The following RGS22 variants were observed in gnomAD, a reference collection of about 807,000 sequenced individuals.
RGS22 encodes regulator of G-protein signaling 22.
Under a neutral mutation model 172.9 loss-of-function variants are expected in RGS22, and 148 were observed. The ratio of observed to expected loss-of-function variants is 0.86; its 90% CI spans 0.75 to 0.98. The LOEUF is 0.98. Ranked by LOEUF, RGS22 falls within the 50% of genes least tolerant of loss-of-function variation. The pLI, the probability that RGS22 is intolerant of heterozygous loss-of-function variation, is 0.00. For missense variants in RGS22, 1,347 were observed against 1,440.8 expected (o/e 0.93, Z 1.05); for synonymous variants, 458 against 480.2 (o/e 0.95, Z 0.60).
intron 14 of RGS22, among the ~76,000 whole-genome samples, chr8:100,010,283 C>T (rs777627652): frequency 6.6e-5 from 10 of 151,982 alleles, no homozygotes; most frequent in Non-Finnish European, 1.3e-4. Context: ...GTCAAGAGAT[C>T]GAGACCATCC....
At chr8:99,987,710 C>T in intron 20 of RGS22, 91 bp from the exon 21 acceptor site, 1 of 843,688 alleles carries the variant, frequency 1.2e-6, no homozygotes, top group Non-Finnish European at 1.7e-6. Context: ...TGTTGAAATG[C>T]CTGGCATGGC....
In RGS22 at chr8:99,977,270, A is replaced by ATT. The variant is rs895569407; in HGVS notation, c.3519+645_3519+646dup. On this transcript the variant is annotated intron_variant, in intron 23 of 27. Transcript: ENST00000360863. Reference sequence around the variant, plus strand: ...AGGCGCAAGCTGCCACGCCCGGTTAATTTTTTTTTTTTTTTTTTTTTTTTT... The same window carrying ATT: ...AGGCGCAAGCTGCCACGCCCGGTTAATTTTTTTTTTTTTTTTTTTTTTTTTTT... Among the ~76,000 whole-genome samples the ATT allele has an allele frequency of 5.7e-3, 687 of 120,370 alleles. 8 individuals are homozygous for ATT. The highest frequency in any genetic ancestry group is 0.013 in the African/African-American group (423 of 31,600). The allele number at this position is 120,370 out of a possible 152,430, so 79.0% of individuals were successfully genotyped here.
intron 18 of RGS22, among the ~76,000 whole-genome samples, chr8:100,001,202 T>TATATATATATATATATATACA (rs1554611096): frequency 4.8e-4 from 60 of 124,776 alleles, no homozygotes; most frequent in African/African-American, 1.8e-3. Flanking sequence ...TCCCAATTTT[T>TATATATATATATATATATACA]TATATATATA....
chr8:99,987,149 T>C (rs1813183979), intron 21 of RGS22, among the ~76,000 whole-genome samples: 2 of 152,170 alleles, frequency 1.3e-5, no homozygotes, highest in South Asian at 4.1e-4. Context: ...CAAGGAGCAT[T>C]TACTTTAAGT....
chr8:100,025,021 T>C (rs931881795), intron 14 of RGS22, among the ~76,000 whole-genome samples: 1 of 151,434 alleles, frequency 6.6e-6, no homozygotes, highest in Non-Finnish European at 1.5e-5. Context: ...AATAAATAAA[T>C]AAATAAATAA....
At chr8:100,011,467 G>A (rs905382602) in intron 14 of RGS22, among the ~76,000 whole-genome samples, 5 of 152,124 alleles carry the variant, frequency 3.3e-5, no homozygotes, top group African/African-American at 1.2e-4. Context: ...AAATCCTTTT[G>A]TGCAGCAGTC....
intron 15 of RGS22, 52 bp from the exon 16 acceptor site, chr8:100,006,161 G>T: frequency 7.0e-7 from 1 of 1,419,532 alleles, no homozygotes; most frequent in Non-Finnish European, 9.8e-7. Context: ...CAATTTGCTA[G>T]TAACAGTGGG....
In RGS22 at chr8:99,982,040, G is replaced by T; in HGVS notation, c.3257C>A (p.Ser1086Tyr). ...ITTIINCFIN[S>Y]SIPPALQIDI... Reference sequence around the variant, plus strand: ...AATTTGTAAAGCTGGTGGAATACTGGAATTAATAAAGCAGTTGATAATAGT... The same window carrying T: ...AATTTGTAAAGCTGGTGGAATACTGTAATTAATAAAGCAGTTGATAATAGT... Residue 1086 changes from serine (S) to tyrosine (Y), a missense_variant, in exon 22 of 28, where the codon TCC becomes TAC. Transcript: ENST00000360863. 3.1e-6 allele frequency: 5 copies of T among 1,613,708 alleles called. No homozygotes were observed. Among genetic ancestry groups the T allele is most frequent in the Non-Finnish European group, 3.4e-6 (4 of 1,179,732 alleles).
intron 12 of RGS22, among the ~76,000 whole-genome samples, chr8:100,041,113 T>C (rs1309209062): frequency 6.6e-6 from 1 of 152,204 alleles, no homozygotes. Context: ...CCTTAGGGAA[T>C]ATGAAGTTTT....
chr8:100,013,994 A>G (rs1286932963), intron 14 of RGS22, among the ~76,000 whole-genome samples: 1 of 152,186 alleles, frequency 6.6e-6, no homozygotes, highest in Non-Finnish European at 1.5e-5. Context: ...ATTTCTAATC[A>G]ATGCCATTTC....
chr8:100,014,129 C>T (rs1055525775), intron 14 of RGS22, among the ~76,000 whole-genome samples: 2 of 152,196 alleles, frequency 1.3e-5, no homozygotes, highest in Non-Finnish European at 2.9e-5. Flanking sequence ...CAACTTTCCT[C>T]TCAAGAGCTC....
chr8:99,973,879 A>C (rs1811639525), intron 23 of RGS22, among the ~76,000 whole-genome samples: 1 of 151,778 alleles, frequency 6.6e-6, no homozygotes, highest in Admixed American at 6.6e-5. Flanking sequence ...AAAAAAAAAA[A>C]AAACAAAAAA....
In RGS22 at chr8:100,053,460, G is replaced by C. The variant is rs184855779; in HGVS notation, c.1515-484C>G. ...AGGAAGGAAGGAAGGGAGGGAGGGAGAGAGGGAGGGAGGGAGGGAGGAAAG... is the reference window on the plus strand; with the variant it reads ...AGGAAGGAAGGAAGGGAGGGAGGGACAGAGGGAGGGAGGGAGGGAGGAAAG... On this transcript the variant is annotated intron_variant, in intron 9 of 27. Transcript: ENST00000360863. 7.5e-5 allele frequency among the ~76,000 whole-genome samples: 9 copies of C among 120,038 alleles called. No homozygotes were observed. The South Asian group carries it at 2.6e-3, about 34-fold the overall frequency. The allele number at this position is 120,038 out of a possible 152,430, so 78.7% of individuals were successfully genotyped here. A position where few individuals can be genotyped will look rare whatever the true frequency, so the allele number is the denominator to read the frequency against.
chr8:100,081,669 C>T (rs1429868201), intron 3 of RGS22, among the ~76,000 whole-genome samples: 1 of 151,964 alleles, frequency 6.6e-6, no homozygotes, highest in Non-Finnish European at 1.5e-5. Context: ...ACCTAAATGA[C>T]ATAAATACCA....
intron 2 of RGS22, among the ~76,000 whole-genome samples, chr8:100,102,215 T>C (rs1164796979): frequency 1.3e-5 from 2 of 152,216 alleles, no homozygotes; most frequent in African/African-American, 4.8e-5. Flanking sequence ...GGTCCATTAT[T>C]TGATCTCTAT....
intron 14 of RGS22, among the ~76,000 whole-genome samples, chr8:100,018,801 TTG>T: frequency 6.6e-6 from 1 of 152,302 alleles, no homozygotes; most frequent in African/African-American, 2.4e-5. Context: ...CATTTTGAAA[TTG>T]TGTGTTTATA....
rs1810873389 is a variant in RGS22 at position 99,967,506 on chromosome 8, AAAGTCTG to A, written c.3520-2083_3520-2077del. Among the ~76,000 whole-genome samples the A allele has an allele frequency of 2.0e-5, 3 of 152,184 alleles. No individual in the cohort carries two copies. In the South Asian group the frequency reaches 6.2e-4, roughly 32 times the overall value. On this transcript the variant is annotated intron_variant, in intron 23 of 27. Coordinates refer to ENST00000360863, the MANE Select transcript of RGS22 (RefSeq NM_015668.5). ...GCTTGAAATTCTCACTGCCAGCACA[AAAGTCTG>A]AAGTCAACCTGGGACACTCGAGCTT...
At chr8:100,023,916 G>C (rs1817887340) in intron 14 of RGS22, 1 of 152,492 alleles carries the variant, frequency 6.6e-6, no homozygotes, top group Non-Finnish European at 1.5e-5. Flanking sequence ...AGGGGACAGG[G>C]AGATTTCATT....
intron 23 of RGS22, among the ~76,000 whole-genome samples, chr8:99,973,175 A>C (rs1266904296): frequency 6.6e-6 from 1 of 152,138 alleles, no homozygotes; most frequent in Non-Finnish European, 1.5e-5. Flanking sequence ...GATATACCCA[A>C]AGGATTATAA....
Sources: gnomAD v4.1 joint callset for allele counts (sites outside exome capture counted in the v4.1 genomes callset) on GRCh38, gnomAD v4.1.1 for gene constraint, MANE v1.5 for transcripts, NCBI Gene and HGNC (gene_info 2026-07-23, HGNC 2026-07-21) for gene names.